The following LRRC63 variants were observed in gnomAD, a reference collection of about 807,000 sequenced individuals.
LRRC63 encodes the protein leucine rich repeat containing 63.
LRRC63 carries 40 observed loss-of-function variants against 49.5 expected under a neutral mutation model. The observed-to-expected ratio is 0.81, with a 90% CI of 0.63 to 1.05. LRRC63 has a LOEUF of 1.05. Among genes scored for constraint, LRRC63 ranks in the 50% least tolerant of loss-of-function variants. LRRC63 has a pLI of 0.00. For missense variants in LRRC63, 636 were observed against 663.1 expected (o/e 0.96, Z 0.45); for synonymous variants, 191 against 221.1 (o/e 0.86, Z 1.21).
chr13:46,243,126 G>A (rs996762501), intron 5 of LRRC63, among the ~76,000 whole-genome samples: 1 of 152,160 alleles, frequency 6.6e-6, no homozygotes, highest in Non-Finnish European at 1.5e-5. Flanking sequence ...TTAAGAGATA[G>A]GCACTATGGA....
At chr13:46,271,567 A>G (rs2047758744) in intron 9 of LRRC63, among the ~76,000 whole-genome samples, 1 of 152,234 alleles carries the variant, frequency 6.6e-6, no homozygotes, top group African/African-American at 2.4e-5. Flanking sequence ...TAGGAAATGT[A>G]TTATAATGCA....
rs1362353562 is a variant in LRRC63 at position 46,239,477 on chromosome 13, A to C, written c.990+5128A>C. On this transcript the variant is annotated intron_variant, in intron 5 of 9. Coordinates refer to ENST00000595396, the Ensembl canonical transcript of LRRC63. ...CTGAACAGACCAATAATGAGCTCCA[A>C]AACTAAATCAGTAATAAATAGCCCA... Among the ~76,000 whole-genome samples, 3 of 152,184 alleles carry C rather than the reference A, an allele frequency of 2.0e-5. No homozygotes were observed. In the East Asian group the frequency reaches 5.8e-4, roughly 29 times the overall value.
exon 10 of LRRC63, chr13:46,276,837 T>A (rs973658950): frequency 4.6e-5 from 7 of 153,064 alleles, no homozygotes; most frequent in Non-Finnish European, 7.6e-5. Context: ...TGTATATATA[T>A]ATATATATAT....
At chr13:46,213,077 A>C (rs1381133506) in exon 2 of LRRC63, 3 of 1,549,952 alleles carry the variant, frequency 1.9e-6, no homozygotes, top group East Asian at 2.4e-5. Flanking sequence ...CTTACCTCCA[A>C]AATTCACTAA....
At chr13:46,228,102 T>G in exon 3 of LRRC63, 1 of 1,550,760 alleles carries the variant, frequency 6.4e-7, no homozygotes, top group Non-Finnish European at 8.7e-7. Context: ...AACTGCTACA[T>G]TGACACTAAG....
At chr13:46,226,771 T>C (rs2046589394) in intron 2 of LRRC63, among the ~76,000 whole-genome samples, 1 of 152,206 alleles carries the variant, frequency 6.6e-6, no homozygotes. Flanking sequence ...GGGTGAAGTG[T>C]TGAAGGACTA....
chr13:46,238,637 C>T (rs1467748428), intron 5 of LRRC63, among the ~76,000 whole-genome samples: 1 of 152,144 alleles, frequency 6.6e-6, no homozygotes, highest in Non-Finnish European at 1.5e-5. Context: ...GACTTATTCA[C>T]TTTCAGCATG....
chr13:46,246,694 G>T, intron 6 of LRRC63, 69 bp downstream of exon 6: 1 of 696,998 alleles, frequency 1.4e-6, no homozygotes, highest in African/African-American at 1.9e-5. Context: ...AAAAATAGAC[G>T]TCTTTTAATA....
chr13:46,218,776 A>G (rs1322512860), intron 2 of LRRC63, among the ~76,000 whole-genome samples: 1 of 151,996 alleles, frequency 6.6e-6, no homozygotes, highest in Non-Finnish European at 1.5e-5. Flanking sequence ...TTCCTTCAGG[A>G]GCTCTTGTAA....
intron 8 of LRRC63, 66 bp from the exon 9 acceptor site, chr13:46,266,667 C>A: frequency 7.5e-7 from 1 of 1,337,498 alleles, no homozygotes; most frequent in Non-Finnish European, 1.0e-6. Flanking sequence ...ACAATTGAGG[C>A]AGAATTTTAC....
At chr13:46,255,512 C>T (rs182203589) in intron 7 of LRRC63, among the ~76,000 whole-genome samples, 44 of 151,464 alleles carry the variant, frequency 2.9e-4, no homozygotes, top group Admixed American at 5.9e-4. Flanking sequence ...CAAAAAAATA[C>T]GAAAAATTAG....
chr13:46,276,838 A>ATT (rs2047846371), exon 10 of LRRC63: 1 of 155,514 alleles, frequency 6.4e-6, no homozygotes, highest in Admixed American at 7.5e-5. Flanking sequence ...GTATATATAT[A>ATT]TATATATATA....
chr13:46,261,645 A>T (rs2047616411), intron 7 of LRRC63, among the ~76,000 whole-genome samples: 1 of 152,088 alleles, frequency 6.6e-6, no homozygotes, highest in Admixed American at 6.5e-5. Flanking sequence ...CAACAACAAC[A>T]AAAAAGTATC....
intron 7 of LRRC63, among the ~76,000 whole-genome samples, chr13:46,257,218 C>T (rs1289888844): frequency 6.6e-6 from 1 of 152,278 alleles, no homozygotes; most frequent in East Asian, 1.9e-4. Flanking sequence ...AACAAGAAAA[C>T]AAGGGCCTCA....
intron 8 of LRRC63, among the ~76,000 whole-genome samples, chr13:46,265,544 G>A (rs1240561533): frequency 6.6e-6 from 1 of 152,212 alleles, no homozygotes; most frequent in Non-Finnish European, 1.5e-5. Flanking sequence ...CAGAAGGGGT[G>A]AGGGCTCTCT....
At chr13:46,268,708 G>T (rs1178158629) in intron 9 of LRRC63, among the ~76,000 whole-genome samples, 1 of 151,618 alleles carries the variant, frequency 6.6e-6, no homozygotes, top group African/African-American at 2.4e-5. Flanking sequence ...ACCAAAGGAA[G>T]TTGCAAAGGA....
chr13:46,234,304 C>A (rs765346673), exon 5 of LRRC63: 29 of 1,550,074 alleles, frequency 1.9e-5, no homozygotes, highest in Non-Finnish European at 2.4e-5. Flanking sequence ...CCAACCTGGC[C>A]ATAGTAAACT....
At chr13:46,272,090 TAACTC>T (rs1349218726) in intron 9 of LRRC63, among the ~76,000 whole-genome samples, 1 of 152,206 alleles carries the variant, frequency 6.6e-6, no homozygotes, top group Non-Finnish European at 1.5e-5. Flanking sequence ...GTTGATTTGA[TAACTC>T]AGAGGGCAAC....
intron 4 of LRRC63, among the ~76,000 whole-genome samples, chr13:46,230,181 A>T (rs567754214): frequency 6.6e-6 from 1 of 152,296 alleles, no homozygotes; most frequent in South Asian, 2.1e-4. Context: ...CTCAAATATC[A>T]TGTTCTTCTC....
Sources: allele counts gnomAD v4.1 joint callset (sites outside exome capture counted in the v4.1 genomes callset), GRCh38; gene constraint gnomAD v4.1.1; transcripts MANE v1.5; gene names NCBI Gene and HGNC (gene_info 2026-07-23, HGNC 2026-07-21).